Variants in ASIC2 observed in about 807,000 individuals in gnomAD.
ASIC2 encodes acid sensing ion channel subunit 2, also known as acid-sensing ion channel 2.
Under a neutral mutation model 57.3 loss-of-function variants are expected in ASIC2, and 25 were observed. The observed-to-expected ratio is 0.44, with a 90% confidence interval of 0.32 to 0.61. The LOEUF is 0.61. ASIC2 is among the 20% of genes least tolerant of loss of function. ASIC2 has a pLI of 0.06. For synonymous variants in ASIC2, 319 were observed against 307.5 expected, an observed-to-expected ratio of 1.04 and a Z score of -0.39; for missense variants, 641 against 738.1, an observed-to-expected ratio of 0.87 and a Z score of 1.52.
chr17:33,438,848 CTTT>C (rs55935165), intron 1 of ASIC2, among the ~76,000 whole-genome samples: 221 of 130,396 alleles, frequency 1.7e-3, no homozygotes, highest in South Asian at 4.3e-3. Context: ...GCAGGGGAAC[CTTT>C]TTTTTTTTTT....
intron 1 of ASIC2, chr17:34,069,329 TTC>T (rs1909303332): frequency 2.3e-5 from 1 of 42,788 alleles, no homozygotes; most frequent in African/African-American, 3.9e-5. Flanking sequence ...TTTCCTCTCT[TTC>T]TTTTTCTTTC....
At chr17:33,997,421 T>C (rs1384613410) in intron 1 of ASIC2, among the ~76,000 whole-genome samples, 1 of 149,542 alleles carries the variant, frequency 6.7e-6, no homozygotes, top group Non-Finnish European at 1.5e-5. Flanking sequence ...CCTGAAGTGC[T>C]AGGATTACAG....
intron 1 of ASIC2, among the ~76,000 whole-genome samples, chr17:34,059,682 G>A (rs1008723554): frequency 1.3e-5 from 2 of 152,156 alleles, no homozygotes; most frequent in Non-Finnish European, 2.9e-5. Context: ...CCAGCCCTTT[G>A]GTTGGCATAG....
rs183481431 is a variant in ASIC2 at position 33,018,246 on chromosome 17, C to T, written c.1442-562G>A. ...AGGTTCTTACTCTGGGGTTTATAGGCCCCCATTATTCAAAGTTTTCTGGAT... is the reference window on the plus strand; with the variant it reads ...AGGTTCTTACTCTGGGGTTTATAGGTCCCCATTATTCAAAGTTTTCTGGAT... On this transcript the variant is annotated intron_variant, in intron 7 of 9. Coordinates refer to ENST00000225823, the MANE Select transcript of ASIC2 (RefSeq NM_183377.2). Among the ~76,000 whole-genome samples, 91 of 152,294 alleles carry T rather than the reference C, an allele frequency of 6.0e-4. 2 individuals carry two copies. The highest frequency in any genetic ancestry group is 9.8e-4 in the Admixed American group (15 of 15,310).
At chr17:33,285,542 C>A (rs1429915154) in intron 1 of ASIC2, among the ~76,000 whole-genome samples, 1 of 152,174 alleles carries the variant, frequency 6.6e-6, no homozygotes, top group Non-Finnish European at 1.5e-5. Flanking sequence ...TTGGCTCATG[C>A]CCTCATATTA....
intron 1 of ASIC2, among the ~76,000 whole-genome samples, chr17:33,559,750 C>T (rs929915369): frequency 1.3e-5 from 2 of 152,154 alleles, no homozygotes; most frequent in Non-Finnish European, 2.9e-5. Flanking sequence ...TTGAAGATGA[C>T]ATGTAAGGGA....
intron 1 of ASIC2, among the ~76,000 whole-genome samples, chr17:34,034,311 A>C (rs533553437): frequency 1.4e-3 from 215 of 152,204 alleles, no homozygotes; most frequent in African/African-American, 4.7e-3. Context: ...AAATTCAACA[A>C]CCCTTCATGC....
chr17:33,212,231 A>C (rs1034954144), intron 1 of ASIC2, among the ~76,000 whole-genome samples: 8 of 152,230 alleles, frequency 5.3e-5, no homozygotes, highest in Non-Finnish European at 1.0e-4. Context: ...GATTAAGGTA[A>C]GCTCCTTGAG....
chr17:33,788,315 A>G (rs1911665819), intron 1 of ASIC2, among the ~76,000 whole-genome samples: 1 of 152,152 alleles, frequency 6.6e-6, no homozygotes, highest in Non-Finnish European at 1.5e-5. Context: ...GCTCAACATC[A>G]CTCATCATCA....
intron 1 of ASIC2, among the ~76,000 whole-genome samples, chr17:33,313,325 T>C (rs1359279926): frequency 2.7e-5 from 4 of 150,842 alleles, no homozygotes; most frequent in African/African-American, 9.8e-5. Flanking sequence ...GAAACCCTGT[T>C]TGAAAAAAAA....
At chr17:33,565,178 C>T (rs1916196048) in intron 1 of ASIC2, among the ~76,000 whole-genome samples, 1 of 152,160 alleles carries the variant, frequency 6.6e-6, no homozygotes, top group African/African-American at 2.4e-5. Flanking sequence ...TTGCCCTTCC[C>T]TCCAACTCTG....
In ASIC2 at chr17:33,844,958, CT is replaced by C. The variant is rs569398824; in HGVS notation, c.555+311019del. Among the ~76,000 whole-genome samples the C allele has an allele frequency of 7.2e-5, 11 of 152,302 alleles. No individual in the cohort carries two copies. In the East Asian group the frequency reaches 2.1e-3, roughly 29 times the overall value. ...GTAACACAGATGTTAAGTAACTTGG[CT>C]AACGCCATGTAGCCAATGTACAGTG... is the stretch of plus-strand genomic sequence containing the variant. On this transcript the variant is annotated intron_variant, in intron 1 of 9. Transcript: ENST00000359872.
At chr17:33,612,620 C>T (rs755564752) in intron 1 of ASIC2, among the ~76,000 whole-genome samples, 13 of 152,300 alleles carry the variant, frequency 8.5e-5, no homozygotes, top group African/African-American at 2.4e-4. Context: ...CTAGCATGTG[C>T]GCAGAAGTAA....
chr17:33,261,499 C>A (rs1909279381), intron 1 of ASIC2, among the ~76,000 whole-genome samples: 1 of 152,160 alleles, frequency 6.6e-6, no homozygotes, highest in African/African-American at 2.4e-5. Flanking sequence ...AGTCAATTAA[C>A]TTTTGATGAG....
At chr17:33,772,166 G>A (rs913921893) in intron 1 of ASIC2, among the ~76,000 whole-genome samples, 1 of 152,154 alleles carries the variant, frequency 6.6e-6, no homozygotes, top group African/African-American at 2.4e-5. Flanking sequence ...TGTAAAAATA[G>A]ACCATAAATA....
intron 1 of ASIC2, among the ~76,000 whole-genome samples, chr17:33,632,457 T>A (rs1368529213): frequency 6.6e-6 from 1 of 152,170 alleles, no homozygotes; most frequent in Non-Finnish European, 1.5e-5. Context: ...TGGGACAGTG[T>A]CCCTAGTCAC....
chr17:33,050,267 G>C (rs1390864126), intron 3 of ASIC2, among the ~76,000 whole-genome samples: 1 of 152,162 alleles, frequency 6.6e-6, no homozygotes, highest in Non-Finnish European at 1.5e-5. Flanking sequence ...ACACCTCTAT[G>C]CTGGAGACGT....
chr17:33,308,348 G>C (rs1327445425), intron 1 of ASIC2, among the ~76,000 whole-genome samples: 3 of 152,192 alleles, frequency 2.0e-5, no homozygotes, highest in Non-Finnish European at 4.4e-5. Context: ...TCAAGGCCTA[G>C]GTTCTATATA....
chr17:33,597,460 T>C (rs1003561149), intron 1 of ASIC2, among the ~76,000 whole-genome samples: 1 of 152,216 alleles, frequency 6.6e-6, no homozygotes, highest in African/African-American at 2.4e-5. Context: ...CCTGCTTCCC[T>C]GTATAGATGA....
Sources: allele counts gnomAD v4.1 joint callset (sites outside exome capture counted in the v4.1 genomes callset), GRCh38; gene constraint gnomAD v4.1.1; transcripts MANE v1.5; gene names NCBI Gene and HGNC (gene_info 2026-07-23, HGNC 2026-07-21).